The following GLIS3 variants were observed in gnomAD, a reference collection of about 807,000 sequenced individuals.
GLIS3 encodes zinc finger protein GLIS3.
In GLIS3, 53 loss-of-function variants were observed where a neutral mutation model predicts 78.6. That is an observed-to-expected ratio of 0.67 (90% CI 0.54 to 0.85). The LOEUF (loss-of-function observed/expected upper bound fraction) is 0.85. Among genes scored for constraint, GLIS3 ranks in the 40% least tolerant of loss-of-function variants. The pLI, the probability that GLIS3 is intolerant of heterozygous loss-of-function variation, is 0.00. For synonymous variants in GLIS3, 684 were observed against 509.9 expected (o/e 1.34, Z -4.60); for missense variants, 1,703 against 1,231.1 (o/e 1.38, Z -5.74).
chr9:3,979,140 G>A (rs1819035910), intron 4 of GLIS3, among the ~76,000 whole-genome samples: 1 of 152,152 alleles, frequency 6.6e-6, no homozygotes, highest in Non-Finnish European at 1.5e-5. Flanking sequence ...TAGAGAATAT[G>A]TTTCTTAGAA....
At chr9:3,953,791 CTCTCTA>C (rs1478340439) in intron 4 of GLIS3, among the ~76,000 whole-genome samples, 498 of 47,814 alleles carry the variant, frequency 0.01, 3 homozygotes, top group African/African-American at 0.03. Flanking sequence ...CTCTCTCTCT[CTCTCTA>C]TATATATATA....
intron 4 of GLIS3, among the ~76,000 whole-genome samples, chr9:4,093,940 T>G (rs975381025): frequency 6.6e-6 from 1 of 152,228 alleles, no homozygotes; most frequent in African/African-American, 2.4e-5. Flanking sequence ...GTAGGTCAAC[T>G]GTGTATTGAA....
At chr9:3,892,279 A>C (rs1260202671) in intron 7 of GLIS3, among the ~76,000 whole-genome samples, 1 of 152,216 alleles carries the variant, frequency 6.6e-6, no homozygotes, top group South Asian at 2.1e-4. Context: ...ATTTAGGTAG[A>C]AAAACTAAGA....
At chr9:4,368,891 A>G in the GLIS3 span, among the ~76,000 whole-genome samples, 1 of 152,218 alleles carries the variant, frequency 6.6e-6, no homozygotes, top group East Asian at 1.9e-4. Context: ...CAATTTTGGT[A>G]TTAAAAGACC....
chr9:4,276,325 A>G (rs1587268563), intron 2 of GLIS3, among the ~76,000 whole-genome samples: 1 of 111,506 alleles, frequency 9.0e-6, no homozygotes, highest in Non-Finnish European at 1.9e-5. Context: ...AGGGGAGGGG[A>G]GGGGAGGAGA....
rs1816949013 is a variant in GLIS3 at position 4,299,694 on chromosome 9, G to C, written c.-372C>G. On this transcript the variant is annotated 5_prime_UTR_variant, in exon 1 of 11. Transcript: ENST00000381971. ...GGAGGAGGCAGAGGCGGGGTGGCTG[G>C]ACCCTCGGCATCAGCTCATTCTCCC... The C allele has an allele frequency of 1.3e-5, 2 of 152,534 alleles. No homozygotes were observed. Among genetic ancestry groups the C allele is most frequent in the Admixed American group, 1.3e-4 (2 of 15,294 alleles). 9.4% of individuals were successfully genotyped at this position (152,534 alleles called of 1,614,324 possible).
At chr9:3,918,292 C>T (rs1239645105) in intron 6 of GLIS3, among the ~76,000 whole-genome samples, 1 of 152,180 alleles carries the variant, frequency 6.6e-6, no homozygotes, top group Non-Finnish European at 1.5e-5. Context: ...AGAACTCCAC[C>T]TTGAGAGGCA....
chr9:4,406,308 T>A, the GLIS3 span, among the ~76,000 whole-genome samples: 1 of 152,210 alleles, frequency 6.6e-6, no homozygotes, highest in Non-Finnish European at 1.5e-5. Context: ...GATGAGCAGA[T>A]GATACATTGT....
At chr9:4,409,484 C>T in the GLIS3 span, among the ~76,000 whole-genome samples, 1 of 152,058 alleles carries the variant, frequency 6.6e-6, no homozygotes, top group Admixed American at 6.6e-5. Context: ...CTCAATTTGC[C>T]CTTGTCATAA....
At chr9:4,169,404 T>C (rs1353123372) in intron 2 of GLIS3, among the ~76,000 whole-genome samples, 5 of 152,188 alleles carry the variant, frequency 3.3e-5, no homozygotes, top group African/African-American at 9.7e-5. Context: ...CATTTTAATT[T>C]AATGAGGCAG....
intron 7 of GLIS3, among the ~76,000 whole-genome samples, chr9:3,897,287 G>C (rs2130590673): frequency 6.6e-6 from 1 of 152,248 alleles, no homozygotes; most frequent in South Asian, 2.1e-4. Context: ...GTCTTAGTAA[G>C]ATCATAGATT....
At chr9:4,419,153 T>C in the GLIS3 span, among the ~76,000 whole-genome samples, 9 of 152,300 alleles carry the variant, frequency 5.9e-5, no homozygotes, top group South Asian at 4.1e-4. Flanking sequence ...TATGAGAAAT[T>C]TGTGCTCCCT....
intron 4 of GLIS3, among the ~76,000 whole-genome samples, chr9:3,942,505 T>C (rs1462259058): frequency 6.6e-6 from 1 of 152,218 alleles, no homozygotes; most frequent in African/African-American, 2.4e-5. Context: ...TCAAGTCCAC[T>C]TGAATCAAGC....
At chr9:4,265,052 T>C (rs572336049) in intron 2 of GLIS3, among the ~76,000 whole-genome samples, 2 of 151,148 alleles carry the variant, frequency 1.3e-5, no homozygotes, top group African/African-American at 4.9e-5. Context: ...GGCGCCTGTA[T>C]TCCCAGCTAC....
intron 4 of GLIS3, among the ~76,000 whole-genome samples, chr9:4,115,085 C>T (rs1411065868): frequency 6.6e-6 from 1 of 152,140 alleles, no homozygotes; most frequent in Non-Finnish European, 1.5e-5. Flanking sequence ...CTGAGTAGCC[C>T]TCTCACACAC....
chr9:4,390,189 G>A, the GLIS3 span, among the ~76,000 whole-genome samples: 5 of 152,328 alleles, frequency 3.3e-5, no homozygotes, highest in East Asian at 5.8e-4. Flanking sequence ...GGAGAATAAA[G>A]TTGGAGGGGG....
chr9:3,966,521 C>G (rs34037843), intron 4 of GLIS3, among the ~76,000 whole-genome samples: 1 of 151,658 alleles, frequency 6.6e-6, no homozygotes, highest in Non-Finnish European at 1.5e-5. Context: ...TTAGGCCAGG[C>G]GCGGTGACTC....
intron 4 of GLIS3, among the ~76,000 whole-genome samples, chr9:4,077,173 G>C (rs570233065): frequency 6.6e-6 from 1 of 152,082 alleles, no homozygotes; most frequent in Non-Finnish European, 1.5e-5. Flanking sequence ...ATTTTTCCAT[G>C]TTTTTAAAAA....
rs552421845 is a variant in GLIS3, at chr9:3,958,982, G to A, written c.1711-21793C>T. On this transcript the variant is annotated intron_variant, in intron 4 of 10. Transcript: ENST00000381971. ...AATCTTCAGTAAAGACTATAGGAAA[G>A]CCTTGGGCTCTATGCTTTACTTGCC... Among the ~76,000 whole-genome samples, 280 of 152,304 alleles carry A rather than the reference G, an allele frequency of 1.8e-3. 1 individual carries two copies. Among genetic ancestry groups the A allele is most frequent in the Admixed American group, 3.9e-3 (59 of 15,306 alleles).
Sources: gnomAD v4.1 joint callset for allele counts (sites outside exome capture counted in the v4.1 genomes callset) on GRCh38, gnomAD v4.1.1 for gene constraint, MANE v1.5 for transcripts, NCBI Gene and HGNC (gene_info 2026-07-23, HGNC 2026-07-21) for gene names.